Variants in CAMLG observed in about 807,000 individuals in gnomAD.
CAMLG encodes the protein guided entry of tail-anchored proteins factor CAMLG.
CAMLG carries 23 observed loss-of-function variants against 28.9 expected under a neutral mutation model. That is an observed-to-expected ratio of 0.80 (90% CI 0.57 to 1.13). CAMLG has a LOEUF of 1.13. Ranked by LOEUF, CAMLG falls within the 50% of genes most tolerant of loss-of-function variation. The pLI, the probability that CAMLG is intolerant of heterozygous loss-of-function variation, is 0.00. For missense variants in CAMLG, 367 were observed against 371.9 expected, an observed-to-expected ratio of 0.99 and a Z score of 0.11; for synonymous variants, 141 against 146.5, an observed-to-expected ratio of 0.96 and a Z score of 0.27.
intron 3 of CAMLG, among the ~76,000 whole-genome samples, chr5:134,746,674 A>G (rs2150121997): frequency 6.6e-6 from 1 of 152,100 alleles, no homozygotes; most frequent in African/African-American, 2.4e-5. Flanking sequence ...ACGAGGTGTC[A>G]CCGTGTTGGT....
intron 2 of CAMLG, among the ~76,000 whole-genome samples, chr5:134,743,506 G>A (rs945755313): frequency 1.3e-5 from 2 of 151,970 alleles, no homozygotes; most frequent in Non-Finnish European, 2.9e-5. Flanking sequence ...GGAGGCAGGG[G>A]TTGCAGTGAG....
rs374901242 is a variant in CAMLG, at chr5:134,738,740, G to C, written c.120G>C (p.Ser40=). Residue 40 remains serine (S), a synonymous_variant, in exon 1 of 4, where the codon TCG becomes TCC. Transcript: ENST00000297156. The stretch of plus-strand genomic sequence containing the variant: ...GTCGGAGAAAGCTGCTCATGAACTC[G>C]GAACAGCGCATCAACCGGATCATGG... ...ELRRRKLLMN[S]EQRINRIMGF... The C allele has an allele frequency of 2.5e-6, 4 of 1,613,974 alleles. No individual in the cohort carries two copies. Among genetic ancestry groups the C allele is most frequent in the African/African-American group, 2.7e-5 (2 of 74,926 alleles).
chr5:134,746,537 A>C (rs1365768631), intron 3 of CAMLG, among the ~76,000 whole-genome samples: 1 of 152,086 alleles, frequency 6.6e-6, no homozygotes, highest in African/African-American at 2.4e-5. Flanking sequence ...GCTGAAGTGC[A>C]GTGGCACGAT....
chr5:134,738,952 C>T (rs1168569085), intron 1 of CAMLG, among the ~76,000 whole-genome samples, 160 bp downstream of exon 1: 1 of 152,118 alleles, frequency 6.6e-6, no homozygotes, highest in South Asian at 2.1e-4. Flanking sequence ...AGTTCTCATC[C>T]CTGAACCCCA....
intron 3 of CAMLG, among the ~76,000 whole-genome samples, chr5:134,749,148 G>A (rs1247928604): frequency 6.6e-6 from 1 of 151,156 alleles, no homozygotes; most frequent in Admixed American, 6.6e-5. Context: ...GCTCACTGCA[G>A]CCTCTGCCTC....
Position 134,741,368 on chromosome 5 carries a change from G to A in CAMLG, c.478G>A (p.Glu160Lys). 4 of 1,614,200 alleles carry A rather than the reference G, an allele frequency of 2.5e-6. No individual in the cohort carries two copies. The highest frequency in any genetic ancestry group is 1.7e-5 in the Admixed American group (1 of 60,024). ...CCTAGAGCAGTACCTTTCCAGATTC[G>A]AAGAAGCAATGAAGCTAAGGAAACA... ...HGLEQYLSRFEEAMKLRKQLI... is the reference protein window; with the variant it reads ...HGLEQYLSRFKEAMKLRKQLI... Residue 160 changes from glutamate to lysine, a missense_variant, in exon 2 of 4, where the codon GAA (glutamate) becomes AAA (lysine). Transcript: ENST00000297156.
Position 134,750,785 on chromosome 5 carries a change from AC to A in CAMLG, c.727del (p.Leu243Ter), listed in dbSNP as rs1215838162. On this transcript the variant is annotated frameshift_variant, in exon 4 of 4. Transcript: ENST00000297156. LOFTEE classifies it high-confidence loss of function. ...GTGAAAAGAAGATAAAGACAACAGT[AC>A]TAACAGCTGCACTTCTATTGTCGGG... ...KSEKKIKTTVLTAALLLSGIP... is the reference protein window; with the variant it reads ...KSEKKIKTTVXTAALLLSGIP... 7 of 1,613,658 alleles carry A rather than the reference AC, an allele frequency of 4.3e-6. No individual in the cohort carries two copies. The highest frequency in any genetic ancestry group is 5.1e-6 in the Non-Finnish European group (6 of 1,179,578).
rs1374960748 is a variant in CAMLG at position 134,751,122 on chromosome 5, C to G, written c.*172C>G. Reference sequence around the variant, plus strand: ...TGGCAGATTCTCTGATTTAAAAGGGCTGAGTTTGTATTATTACTGATATGA... The same window carrying G: ...TGGCAGATTCTCTGATTTAAAAGGGGTGAGTTTGTATTATTACTGATATGA... On this transcript the variant is annotated 3_prime_UTR_variant, in exon 4 of 4. Transcript: ENST00000297156. 1.9e-6 allele frequency: 1 copy of G among 538,088 alleles called. No individual in the cohort carries two copies. Among genetic ancestry groups the G allele is most frequent in the Non-Finnish European group, 3.3e-6 (1 of 304,664 alleles). 33.3% of individuals were successfully genotyped at this position (538,088 alleles called of 1,614,324 possible).
chr5:134,740,240 A>G (rs760868205), intron 1 of CAMLG, among the ~76,000 whole-genome samples: 3 of 152,156 alleles, frequency 2.0e-5, no homozygotes, highest in Non-Finnish European at 4.4e-5. Context: ...TAGTGTCTTA[A>G]AACTGCTGAA....
intron 3 of CAMLG, among the ~76,000 whole-genome samples, chr5:134,747,312 T>G (rs934275703): frequency 6.6e-6 from 1 of 152,148 alleles, no homozygotes; most frequent in South Asian, 2.1e-4. Context: ...TCACCCCTCT[T>G]ACATAACACT....
At chr5:134,748,289 G>A (rs764080425) in intron 3 of CAMLG, among the ~76,000 whole-genome samples, 1 of 149,828 alleles carries the variant, frequency 6.7e-6, no homozygotes, top group Non-Finnish European at 1.5e-5. Context: ...GTTCACACCT[G>A]TAATCCCAGC....
chr5:134,745,733 A>G (rs1753039536), intron 3 of CAMLG, among the ~76,000 whole-genome samples: 1 of 151,538 alleles, frequency 6.6e-6, no homozygotes, highest in African/African-American at 2.4e-5. Context: ...AGCCTGGGCA[A>G]CAGAGCGAGA....
At chr5:134,740,521 G>A (rs559210273) in intron 1 of CAMLG, among the ~76,000 whole-genome samples, 39 of 152,252 alleles carry the variant, frequency 2.6e-4, no homozygotes, top group African/African-American at 8.9e-4. Flanking sequence ...TACCCACAAA[G>A]TTTGGGTTAT....
Position 134,738,620 on chromosome 5 carries a change from G to A in CAMLG, c.-1G>A. The A allele has an allele frequency of 6.2e-7, 1 of 1,610,172 alleles. No individual in the cohort carries two copies. The highest frequency in any genetic ancestry group is 1.3e-5 in the African/African-American group (1 of 74,934). On this transcript the variant is annotated 5_prime_UTR_variant, in exon 1 of 4. Transcript: ENST00000297156. Reference sequence around the variant, plus strand: ...ACCCCTCCCAGACTGTGGACGGGAGGATGGAGTCGATGGCCGTCGCTACCG... The same window carrying A: ...ACCCCTCCCAGACTGTGGACGGGAGAATGGAGTCGATGGCCGTCGCTACCG...
chr5:134,749,401 A>G (rs1212293504), intron 3 of CAMLG, among the ~76,000 whole-genome samples: 1 of 152,062 alleles, frequency 6.6e-6, no homozygotes, highest in African/African-American at 2.4e-5. Context: ...AATATTTTAA[A>G]CCGTATGATT....
intron 3 of CAMLG, among the ~76,000 whole-genome samples, chr5:134,749,234 A>AT (rs1189182663): frequency 2.0e-4 from 30 of 151,850 alleles, no homozygotes; most frequent in African/African-American, 2.7e-4. Context: ...CGCCTGGCTA[A>AT]TTTTTTTGTA....
rs78840345 is a variant in CAMLG at position 134,738,759 on chromosome 5, A to C, written c.139A>C (p.Ile47Leu). ...GAACTCGGAACAGCGCATCAACCGG[A>C]TCATGGGCTTTCACAGGCCCGGGAG... ...LMNSEQRINRIMGFHRPGSGA... is the reference protein window; with the variant it reads ...LMNSEQRINRLMGFHRPGSGA... Residue 47 changes from isoleucine (I) to leucine (L), a missense_variant, in exon 1 of 4, where the codon ATC becomes CTC. Ile to Leu is a conservative substitution (Grantham distance 5). Transcript: ENST00000297156. 2 of 1,613,984 alleles carry C rather than the reference A, an allele frequency of 1.2e-6. No homozygotes were observed. The highest frequency in any genetic ancestry group is 8.5e-7 in the Non-Finnish European group (1 of 1,179,998).
intron 3 of CAMLG, among the ~76,000 whole-genome samples, chr5:134,748,087 C>T (rs1753072725): frequency 6.7e-6 from 1 of 150,262 alleles, no homozygotes; most frequent in Admixed American, 6.7e-5. Context: ...CAGCCTTGAT[C>T]TCCTGACCTG....
intron 1 of CAMLG, among the ~76,000 whole-genome samples, chr5:134,739,089 C>T (rs114638224): frequency 1.6e-4 from 25 of 152,280 alleles, no homozygotes; most frequent in Middle Eastern, 3.4e-3. Context: ...CTTAGCCACT[C>T]CTCGCCTTTC....
Sources: gnomAD v4.1 joint callset for allele counts (sites outside exome capture counted in the v4.1 genomes callset) on GRCh38, gnomAD v4.1.1 for gene constraint, MANE v1.5 for transcripts, NCBI Gene and HGNC (gene_info 2026-07-23, HGNC 2026-07-21) for gene names.